FAM210B: variants seen among roughly 807,000 people sequenced by gnomAD.
FAM210B encodes family with sequence similarity 210 member B.
FAM210B carries 11 observed loss-of-function variants against 14.9 expected under a neutral mutation model. The ratio of observed to expected loss-of-function variants is 0.74; its 90% CI spans 0.46 to 1.22. The LOEUF is 1.22. Among genes scored for constraint, FAM210B ranks in the 50% most tolerant of loss-of-function variants. FAM210B has a pLI of 0.00. For missense variants in FAM210B, 229 were observed against 250.1 expected (o/e 0.92, Z 0.57); for synonymous variants, 113 against 110.2 (o/e 1.03, Z -0.16).
chr20:56,364,401 C>T (rs1033465256), intron 1 of FAM210B, among the ~76,000 whole-genome samples: 12 of 152,222 alleles, frequency 7.9e-5, no homozygotes, highest in Non-Finnish European at 1.5e-4. Flanking sequence ...TCACAACCCC[C>T]TCCCCGACAC....
intron 1 of FAM210B, among the ~76,000 whole-genome samples, chr20:56,364,359 G>A (rs532132215): frequency 2.0e-5 from 3 of 152,186 alleles, no homozygotes; most frequent in South Asian, 2.1e-4. Context: ...CAGTAGCACC[G>A]CATCTTCAGC....
At position 56,366,087 on chromosome 20, in the gene FAM210B, G is replaced by A. The variant is rs1265749556; in HGVS notation, c.379G>A (p.Ala127Thr). 5.0e-6 allele frequency: 8 copies of A among 1,613,896 alleles called. No individual in the cohort carries two copies. The highest frequency in any genetic ancestry group is 6.8e-6 in the Non-Finnish European group (8 of 1,179,934). The change falls in exon 3 of 3, where the codon GCA (alanine) becomes ACA (threonine). Residue 127 changes from alanine (A) to threonine (T), a missense_variant. Physicochemically the swap from Ala to Thr is moderately conservative, Grantham distance 58. Coordinates refer to ENST00000371384, the MANE Select transcript of FAM210B (RefSeq NM_080821.3). ...MVVSSGVDMP[A>T]ILLKLGFKES... is the part of the protein sequence containing the mutation. The stretch of plus-strand genomic sequence containing the variant: ...CCCCCCTAGTGGTGTGGACATGCCT[G>A]CAATCCTGCTGAAACTCGGATTTAA...
intron 2 of FAM210B, among the ~76,000 whole-genome samples, chr20:56,365,844 A>G (rs1187661964): frequency 6.6e-6 from 1 of 151,082 alleles, no homozygotes. Context: ...GAGTCTTGCT[A>G]TGCTGCCCAG....
At chr20:56,366,028 T>A (rs1468643568) in intron 2 of FAM210B, 43 bp from the exon 3 acceptor site, 6 of 1,437,048 alleles carry the variant, frequency 4.2e-6, no homozygotes. Flanking sequence ...CTTCATTTAA[T>A]CCCTTGCTGT....
rs1249073724 is a variant in FAM210B at position 56,359,866 on chromosome 20, C to T, written c.186+675C>T. ...GCCGGCGTCCAGCCCGGAGCGCATC[C>T]GGCCTGGCAGTCTGGAGCCTCTTTG... On this transcript the variant is annotated intron_variant, in intron 1 of 2. Transcript: ENST00000371384. The surrounding 1 kb of genome is among the most constrained non-coding windows in gnomAD (Gnocchi z 4.3). Among the ~76,000 whole-genome samples, 1 of 152,250 alleles carries T rather than the reference C, an allele frequency of 6.6e-6. No homozygotes were observed. The highest frequency in any genetic ancestry group is 2.4e-5 in the African/African-American group (1 of 41,474).
Position 56,366,570 on chromosome 20 carries a change from C to A in FAM210B, c.*283C>A, listed in dbSNP as rs935464109. 5.0e-5 allele frequency: 16 copies of A among 317,302 alleles called. No homozygotes were observed. The highest frequency in any genetic ancestry group is 3.3e-4 in the African/African-American group (15 of 45,734). The allele number at this position is 317,302 out of a possible 1,614,324, so 19.7% of individuals were successfully genotyped here. ...TAACATCTCAAAACAAAATAGCCTA[C>A]AAATGTTCCTTGTGGGAGACTTTGG... is the stretch of plus-strand genomic sequence containing the variant. On this transcript the variant is annotated 3_prime_UTR_variant, in exon 3 of 3. Transcript: ENST00000371384.
In FAM210B at chr20:56,363,795, G is replaced by A. The variant is rs773451949; in HGVS notation, c.187-1292G>A. On this transcript the variant is annotated intron_variant, in intron 1 of 2. Coordinates refer to ENST00000371384, the MANE Select transcript of FAM210B (RefSeq NM_080821.3). The surrounding 1 kb of genome is among the most constrained non-coding windows in gnomAD (Gnocchi z 4.1). ...CCACTTTGTGTGTTTCAGATGTCAG[G>A]TGTAAATCTTGATTCTAGGAGTAAA... is the stretch of plus-strand genomic sequence containing the variant. Among the ~76,000 whole-genome samples the A allele has an allele frequency of 1.3e-5, 2 of 152,176 alleles. No individual in the cohort carries two copies. Among genetic ancestry groups the A allele is most frequent in the Non-Finnish European group, 2.9e-5 (2 of 68,036 alleles).
At chr20:56,364,526 G>A (rs554368003) in intron 1 of FAM210B, among the ~76,000 whole-genome samples, 78 of 152,306 alleles carry the variant, frequency 5.1e-4, no homozygotes, top group African/African-American at 1.8e-3. Flanking sequence ...AATCACATCT[G>A]CAAAGTTCTT....
intron 1 of FAM210B, chr20:56,360,187 C>G (rs1469175195): frequency 2.1e-6 from 1 of 470,710 alleles, no homozygotes; most frequent in Admixed American, 2.3e-5. Context: ...TCCAGTCCGA[C>G]AGGTGGCACA....
In FAM210B at chr20:56,363,121, A is replaced by G. The variant is rs543837698; in HGVS notation, c.187-1966A>G. Among the ~76,000 whole-genome samples, 19 of 152,330 alleles carry G rather than the reference A, an allele frequency of 1.2e-4. No individual in the cohort carries two copies. The South Asian group carries it at 3.7e-3, about 30-fold the overall frequency. On this transcript the variant is annotated intron_variant, in intron 1 of 2. Transcript: ENST00000371384. The surrounding 1 kb of genome is among the most constrained non-coding windows in gnomAD (Gnocchi z 4.1). ...GGCCAAAGAAAGGGGGGCTGATGAC[A>G]TCTTCCCTCCTCCCCTCCAGAGCCT...
chr20:56,360,341 G>T, intron 1 of FAM210B: 1 of 438,110 alleles, frequency 2.3e-6, no homozygotes, highest in Non-Finnish European at 4.7e-6. Context: ...CCTCCACTGG[G>T]CCTGCTTCCA....
At position 56,362,931 on chromosome 20, in the gene FAM210B, A is replaced by C. The variant is rs989056254; in HGVS notation, c.187-2156A>C. Among the ~76,000 whole-genome samples the C allele has an allele frequency of 2.0e-5, 3 of 152,180 alleles. No individual in the cohort carries two copies. Among genetic ancestry groups the C allele is most frequent in the African/African-American group, 7.2e-5 (3 of 41,466 alleles). ...TGCGAGGGGCTGTAGGTGGCCTCCT[A>C]TCAGTCCCCACCACCTGGCTGCTGT... On this transcript the variant is annotated intron_variant, in intron 1 of 2. Transcript: ENST00000371384. The surrounding 1 kb of genome is among the most constrained non-coding windows in gnomAD (Gnocchi z 4.8).
At chr20:56,364,407 G>A (rs989791234) in intron 1 of FAM210B, among the ~76,000 whole-genome samples, 2 of 152,086 alleles carry the variant, frequency 1.3e-5, no homozygotes, top group Non-Finnish European at 2.9e-5. Flanking sequence ...CCCCCTCCCC[G>A]ACACTGAGTT....
chr20:56,365,061 C>T (rs1490097735), intron 1 of FAM210B, 26 bp from the exon 2 acceptor site: 3 of 1,599,806 alleles, frequency 1.9e-6, no homozygotes, highest in East Asian at 2.2e-5. Flanking sequence ...CCCTAAAGCA[C>T]CTCCTCTTCT....
rs1276850322 is a variant in FAM210B at position 56,359,537 on chromosome 20, C to T, written c.186+346C>T. ...GTTGCCTGCGGAGTTGTTGTCCAGG[C>T]CTTCTGGCTGGGTCTCGCTGTGTTT... On this transcript the variant is annotated intron_variant, in intron 1 of 2. Coordinates refer to ENST00000371384, the MANE Select transcript of FAM210B (RefSeq NM_080821.3). This position sits in a 1 kb window ranked among gnomAD's most constrained non-coding sequence, Gnocchi z 4.3. Among the ~76,000 whole-genome samples, 2 of 152,220 alleles carry T rather than the reference C, an allele frequency of 1.3e-5. No individual in the cohort carries two copies. Among genetic ancestry groups the T allele is most frequent in the Non-Finnish European group, 2.9e-5 (2 of 68,046 alleles).
At position 56,366,994 on chromosome 20, in the gene FAM210B, C is replaced by T. The variant is rs1191214497; in HGVS notation, c.*707C>T. ...AAAATATAAAAACCCTGCCCAGTAGCAGTGGCATCGCTTGGTTCCTGATGC... is the reference window on the plus strand; with the variant it reads ...AAAATATAAAAACCCTGCCCAGTAGTAGTGGCATCGCTTGGTTCCTGATGC... On this transcript the variant is annotated 3_prime_UTR_variant, in exon 3 of 3. Transcript: ENST00000371384. 1.3e-5 allele frequency: 2 copies of T among 152,472 alleles called. No homozygotes were observed. The highest frequency in any genetic ancestry group is 1.9e-4 in the East Asian group (1 of 5,196). The allele number at this position is 152,472 out of a possible 1,614,324, so 9.4% of individuals were successfully genotyped here.
rs1280151880 is a variant in FAM210B at position 56,365,269 on chromosome 20, T to C, written c.362+7T>C. The C allele has an allele frequency of 1.9e-6, 3 of 1,608,092 alleles. No homozygotes were observed. Among genetic ancestry groups the C allele is most frequent in the Non-Finnish European group, 2.5e-6 (3 of 1,176,830 alleles). ...TTTACATGGTTGTGTCAAGGTAAGA[T>C]TTTTGACAGTAATTAATATTTGTTT... On this transcript the variant is annotated splice_region_variant and intron_variant, in intron 2 of 2. Coordinates refer to ENST00000371384, the MANE Select transcript of FAM210B (RefSeq NM_080821.3).
At position 56,362,234 on chromosome 20, in the gene FAM210B, G is replaced by A. The variant is rs908583548; in HGVS notation, c.187-2853G>A. Among the ~76,000 whole-genome samples, 3 of 152,100 alleles carry A rather than the reference G, an allele frequency of 2.0e-5. No homozygotes were observed. Among genetic ancestry groups the A allele is most frequent in the African/African-American group, 7.2e-5 (3 of 41,408 alleles). ...CAAACACTGCGATCGGCTTGGCAAG[G>A]TCCTTGGCTCATTCTTTAAACCTTC... is the stretch of plus-strand genomic sequence containing the variant. On this transcript the variant is annotated intron_variant, in intron 1 of 2. Coordinates refer to ENST00000371384, the MANE Select transcript of FAM210B (RefSeq NM_080821.3). The surrounding 1 kb of genome is among the most constrained non-coding windows in gnomAD (Gnocchi z 4.8).
In FAM210B at chr20:56,367,069, CT is replaced by C. The variant is rs979127133; in HGVS notation, c.*786del. ...CCACAAACAGCTAAGACAATCTCAG[CT>C]TTTCTTAGACAATCTTCTATCTCAA... On this transcript the variant is annotated 3_prime_UTR_variant, in exon 3 of 3. Transcript: ENST00000371384. The C allele has an allele frequency of 1.1e-3, 167 of 152,700 alleles. 1 individual carries two copies. Among genetic ancestry groups the C allele is most frequent in the African/African-American group, 3.9e-3 (162 of 41,554 alleles). 9.5% of individuals were successfully genotyped at this position (152,700 alleles called of 1,614,324 possible).
Sources: gnomAD v4.1 joint callset for allele counts (sites outside exome capture counted in the v4.1 genomes callset) on GRCh38, gnomAD v4.1.1 for gene constraint, Gnocchi (gnomAD v3.1) non-coding constraint, MANE v1.5 for transcripts, NCBI Gene and HGNC (gene_info 2026-07-23, HGNC 2026-07-21) for gene names.